Variants in FOXK1 observed in about 807,000 individuals in gnomAD.
FOXK1 encodes the protein forkhead box K1.
In FOXK1, 19 loss-of-function variants were observed where a neutral mutation model predicts 51.9. The observed-to-expected ratio is 0.37, with a 90% CI of 0.26 to 0.54. The LOEUF (loss-of-function observed/expected upper bound fraction) is 0.54. Ranked by LOEUF, FOXK1 falls within the 20% of genes least tolerant of loss-of-function variation. The probability of loss-of-function intolerance (pLI) is 0.87; values close to 1 mark genes in which losing one functional copy is unlikely to be tolerated. For missense variants in FOXK1, 870 were observed against 1,032.7 expected (o/e 0.84, Z 2.16); for synonymous variants, 537 against 482.6 (o/e 1.11, Z -1.48).
intron 1 of FOXK1, among the ~76,000 whole-genome samples, chr7:4,697,381 G>A (rs1779966766): frequency 6.6e-6 from 1 of 152,238 alleles, no homozygotes; most frequent in Admixed American, 6.5e-5. Flanking sequence ...GCCAGCTGCA[G>A]CCTGTGGGCC....
rs1021307350 is a variant in FOXK1, at chr7:4,711,665, G to T, written c.560+28797G>T. On this transcript the variant is annotated intron_variant, in intron 1 of 8. Transcript: ENST00000328914. This position sits in a 1 kb window ranked among gnomAD's most constrained non-coding sequence, Gnocchi z 6.3. The stretch of plus-strand genomic sequence containing the variant: ...ATTACTAAGGGCGTCATACCCTCTC[G>T]TATCTGCATCACCCATAAGGGGTGG... Among the ~76,000 whole-genome samples, 1 of 152,200 alleles carries T rather than the reference G, an allele frequency of 6.6e-6. No homozygotes were observed. The highest frequency in any genetic ancestry group is 1.5e-5 in the Non-Finnish European group (1 of 68,046).
intron 1 of FOXK1, among the ~76,000 whole-genome samples, chr7:4,708,715 C>A (rs532616109): frequency 1.3e-5 from 2 of 152,244 alleles, no homozygotes; most frequent in East Asian, 3.9e-4. Context: ...TTCATTCCTG[C>A]CAGCTTCTCA....
chr7:4,709,513 C>T lies in FOXK1; in HGVS notation c.560+26645C>T, dbSNP rs550198677. On this transcript the variant is annotated intron_variant, in intron 1 of 8. Transcript: ENST00000328914. The surrounding 1 kb of genome is among the most constrained non-coding windows in gnomAD (Gnocchi z 5.6). The stretch of plus-strand genomic sequence containing the variant: ...TGGCCCGCGACCCCTGCTGGCAGAT[C>T]GAGGCTGGCCCGTGACCGGGGCAGG... Among the ~76,000 whole-genome samples, 6 of 152,306 alleles carry T rather than the reference C, an allele frequency of 3.9e-5. No individual in the cohort carries two copies. The highest frequency in any genetic ancestry group is 9.6e-5 in the African/African-American group (4 of 41,572).
rs184991997 is a variant in FOXK1 at position 4,759,954 on chromosome 7, C to T, written c.1696+359C>T. On this transcript the variant is annotated intron_variant, in intron 7 of 8. Transcript: ENST00000328914. ...GCTGAGGGAGGAGAATCGCTTGAAGCCTGGAGGCAGAGGTTGCAGTGAGCT... is the reference window on the plus strand; with the variant it reads ...GCTGAGGGAGGAGAATCGCTTGAAGTCTGGAGGCAGAGGTTGCAGTGAGCT... 2.4e-3 allele frequency: 755 copies of T among 310,478 alleles called. 15 individuals carry two copies. Among genetic ancestry groups the T allele is most frequent in the Middle Eastern group, 4.9e-3 (5 of 1,016 alleles). 19.2% of individuals were successfully genotyped at this position (310,478 alleles called of 1,614,324 possible).
chr7:4,740,595 C>T (rs981070778), intron 1 of FOXK1, among the ~76,000 whole-genome samples: 2 of 148,154 alleles, frequency 1.3e-5, no homozygotes. Context: ...TGGGTGACAG[C>T]GAGACTCCCT....
At chr7:4,689,786 C>CGTGG (rs1483265231) in intron 1 of FOXK1, among the ~76,000 whole-genome samples, 1 of 152,192 alleles carries the variant, frequency 6.6e-6, no homozygotes, top group Non-Finnish European at 1.5e-5. Context: ...TGCCCCACTA[C>CGTGG]GTGGCATCAA....
At position 4,683,767 on chromosome 7, in the gene FOXK1, G is replaced by C. The variant is rs1200909967; in HGVS notation, c.560+899G>C. Among the ~76,000 whole-genome samples, 2 of 152,198 alleles carry C rather than the reference G, an allele frequency of 1.3e-5. No individual in the cohort carries two copies. Among genetic ancestry groups the C allele is most frequent in the Non-Finnish European group, 2.9e-5 (2 of 68,030 alleles). On this transcript the variant is annotated intron_variant, in intron 1 of 8. Coordinates refer to ENST00000328914, the MANE Select transcript of FOXK1 (RefSeq NM_001037165.2). The surrounding 1 kb of genome is among the most constrained non-coding windows in gnomAD (Gnocchi z 4.5). ...GGGCCACCCCCACCCCATCCAGTCT[G>C]GGTCCTGGGGGACCCCAACACACTC...
Position 4,770,083 on chromosome 7 carries a change from GA to G in FOXK1, c.*7622del, listed in dbSNP as rs1426099105. ...AGTCTCCAAATGTGTTGGCTAAGCTGAAATGAGAGACTCTGAATTAGAGTTT... is the reference window on the plus strand; with the variant it reads ...AGTCTCCAAATGTGTTGGCTAAGCTGAATGAGAGACTCTGAATTAGAGTTT... On this transcript the variant is annotated 3_prime_UTR_variant, in exon 9 of 9. Transcript: ENST00000328914. 1 of 152,232 alleles carries G rather than the reference GA, an allele frequency of 6.6e-6. No homozygotes were observed. The highest frequency in any genetic ancestry group is 1.9e-4 in the East Asian group (1 of 5,196). 9.4% of individuals were successfully genotyped at this position (152,232 alleles called of 1,614,324 possible).
At chr7:4,721,986 C>G (rs1780319010) in intron 1 of FOXK1, among the ~76,000 whole-genome samples, 1 of 152,254 alleles carries the variant, frequency 6.6e-6, no homozygotes, top group Non-Finnish European at 1.5e-5. Flanking sequence ...GGGACGCGCA[C>G]AGCCGTGTTA....
Position 4,740,940 on chromosome 7 carries a change from G to T in FOXK1, c.663G>T (p.Gln221His). The change falls in exon 2 of 9, where the codon CAG becomes CAT. Residue 221 changes from glutamine to histidine, a missense_variant. Physicochemically the swap from Gln to His is conservative, Grantham distance 24. Coordinates refer to ENST00000328914, the MANE Select transcript of FOXK1 (RefSeq NM_001037165.2). ...PASPLRPLYP[Q>H]ISPLKIHIPE... The stretch of plus-strand genomic sequence containing the variant: ...CCCCGCTGCGGCCACTGTACCCCCA[G>T]ATCTCCCCTCTGAAGATCCACATCC... The T allele has an allele frequency of 1.3e-6, 2 of 1,582,360 alleles. No homozygotes were observed. Among genetic ancestry groups the T allele is most frequent in the African/African-American group, 1.4e-5 (1 of 72,732 alleles).
intron 1 of FOXK1, among the ~76,000 whole-genome samples, chr7:4,695,640 A>G (rs1159925534): frequency 1.1e-4 from 16 of 152,064 alleles, no homozygotes; most frequent in Admixed American, 1.0e-3. Context: ...CGTCTCTACT[A>G]AAAATACAAA....
intron 1 of FOXK1, among the ~76,000 whole-genome samples, chr7:4,710,938 T>C (rs929436533): frequency 6.6e-6 from 1 of 152,198 alleles, no homozygotes; most frequent in Admixed American, 6.5e-5. Flanking sequence ...TGGGTAGAGA[T>C]GTGTCTGTCC....
intron 1 of FOXK1, among the ~76,000 whole-genome samples, chr7:4,736,849 G>T (rs73305322): frequency 0.035 from 5,345 of 152,282 alleles, 321 homozygotes; most frequent in African/African-American, 0.12. Flanking sequence ...TCTTTTGGTG[G>T]CGTTCACCTT....
At chr7:4,689,496 T>C (rs1240034457) in intron 1 of FOXK1, among the ~76,000 whole-genome samples, 1 of 152,212 alleles carries the variant, frequency 6.6e-6, no homozygotes, top group African/African-American at 2.4e-5. Flanking sequence ...TTGTTGTTCA[T>C]GAGCATGACA....
In FOXK1 at chr7:4,683,250, C is replaced by T. The variant is rs1283004757; in HGVS notation, c.560+382C>T. On this transcript the variant is annotated intron_variant, in intron 1 of 8. Coordinates refer to ENST00000328914, the MANE Select transcript of FOXK1 (RefSeq NM_001037165.2). This position sits in a 1 kb window ranked among gnomAD's most constrained non-coding sequence, Gnocchi z 4.5. ...TGGGCTCCTGGAGCCACCCATACCC[C>T]AAGCCCATCTGGCTGGGCCTCTTAG... is the stretch of plus-strand genomic sequence containing the variant. Among the ~76,000 whole-genome samples, 2 of 151,558 alleles carry T rather than the reference C, an allele frequency of 1.3e-5. No homozygotes were observed. Among genetic ancestry groups the T allele is most frequent in the Non-Finnish European group, 2.9e-5 (2 of 67,868 alleles).
chr7:4,767,521 CAT>C lies in FOXK1; in HGVS notation c.*5058_*5059del, dbSNP rs775587484. On this transcript the variant is annotated 3_prime_UTR_variant, in exon 9 of 9. Transcript: ENST00000328914. This position sits in a 1 kb window ranked among gnomAD's most constrained non-coding sequence, Gnocchi z 6.6. ...TAATGAGAATACTTTACATTGCTCA[CAT>C]GTGCTGCTATGAAGACAGGATTAGT... 73 of 152,378 alleles carry C rather than the reference CAT, an allele frequency of 4.8e-4. No individual in the cohort carries two copies. The highest frequency in any genetic ancestry group is 1.6e-3 in the African/African-American group (67 of 41,588). The allele number at this position is 152,378 out of a possible 1,614,324, so 9.4% of individuals were successfully genotyped here.
rs756358838 is a variant in FOXK1, at chr7:4,769,962, T to C, written c.*7498T>C. ...GCCAGGGGAAGCGAAGTGGCTTCAA[T>C]CCGGGCTGACAGCCAAGAAGAGTTT... On this transcript the variant is annotated 3_prime_UTR_variant, in exon 9 of 9. Transcript: ENST00000328914. The surrounding 1 kb of genome is among the most constrained non-coding windows in gnomAD (Gnocchi z 4.1). 1 of 152,216 alleles carries C rather than the reference T, an allele frequency of 6.6e-6. No individual in the cohort carries two copies. Among genetic ancestry groups the C allele is most frequent in the South Asian group, 2.1e-4 (1 of 4,824 alleles). The allele number at this position is 152,216 out of a possible 1,614,324, so 9.4% of individuals were successfully genotyped here. A position where few individuals can be genotyped will look rare whatever the true frequency, so the allele number is the denominator to read the frequency against.
In FOXK1 at chr7:4,762,809, T is replaced by C; in HGVS notation, c.*345T>C. 3.4e-6 allele frequency: 1 copy of C among 292,218 alleles called. No homozygotes were observed. The allele number at this position is 292,218 out of a possible 1,614,324, so 18.1% of individuals were successfully genotyped here. On this transcript the variant is annotated 3_prime_UTR_variant, in exon 9 of 9. Transcript: ENST00000328914. This position sits in a 1 kb window ranked among gnomAD's most constrained non-coding sequence, Gnocchi z 5.7. The stretch of plus-strand genomic sequence containing the variant: ...TTGAGGAATGTGTCAAGACAGCCCC[T>C]CCGCTCCGCGCTGCACGGCCAGCCG...
In FOXK1 at chr7:4,682,323, C is replaced by T. The variant is rs560718579; in HGVS notation, c.15C>T (p.Gly5=). The change falls in exon 1 of 9, where the codon GGC becomes GGT. Residue 5 remains glycine (G), a synonymous_variant. Coordinates refer to ENST00000328914, the MANE Select transcript of FOXK1 (RefSeq NM_001037165.2). This position sits in a 1 kb window ranked among gnomAD's most constrained non-coding sequence, Gnocchi z 7.6. The part of the protein sequence containing the change: MAEV[G]EDSGARALLA... ...GCCGCGCGAACATGGCCGAAGTCGG[C>T]GAGGACAGCGGCGCCCGCGCCCTGC... is the stretch of plus-strand genomic sequence containing the variant. The T allele has an allele frequency of 7.4e-4, 736 of 993,184 alleles. 1 individual carries two copies. The highest frequency in any genetic ancestry group is 1.9e-3 in the South Asian group (45 of 23,100). The allele number at this position is 993,184 out of a possible 1,614,324, so 61.5% of individuals were successfully genotyped here. A position where few individuals can be genotyped will look rare whatever the true frequency, so the allele number is the denominator to read the frequency against.
Sources: allele counts gnomAD v4.1 joint callset (sites outside exome capture counted in the v4.1 genomes callset), GRCh38; gene constraint gnomAD v4.1.1; non-coding constraint Gnocchi (gnomAD v3.1); transcripts MANE v1.5; gene names NCBI Gene and HGNC (gene_info 2026-07-23, HGNC 2026-07-21).